Variants in RCAN1 observed in about 807,000 individuals in gnomAD.
RCAN1 encodes calcipressin-1.
In RCAN1, 11 loss-of-function variants were observed where a neutral mutation model predicts 22.9. The observed-to-expected ratio is 0.48, with a 90% CI of 0.30 to 0.79. RCAN1 has a LOEUF of 0.79. RCAN1 is among the 30% of genes least tolerant of loss of function. RCAN1 has a pLI of 0.06. For missense variants in RCAN1, 291 were observed against 337.8 expected, an observed-to-expected ratio of 0.86 and a Z score of 1.09; for synonymous variants, 136 against 142.3, an observed-to-expected ratio of 0.96 and a Z score of 0.32.
chr21:34,574,008 C>T (rs77465194), intron 1 of RCAN1, among the ~76,000 whole-genome samples: 1 of 152,124 alleles, frequency 6.6e-6, no homozygotes, highest in African/African-American at 2.4e-5. Context: ...AATCAAAGGG[C>T]AGAGCTTAAG....
intron 1 of RCAN1, among the ~76,000 whole-genome samples, chr21:34,532,963 CTT>C (rs35547356): frequency 3.1e-4 from 44 of 141,654 alleles, no homozygotes; most frequent in Middle Eastern, 3.6e-3. Flanking sequence ...ACAAAATAAA[CTT>C]TTTTTTTTTT....
chr21:34,580,869 G>A (rs917638683), intron 1 of RCAN1, among the ~76,000 whole-genome samples: 9 of 152,168 alleles, frequency 5.9e-5, no homozygotes, highest in African/African-American at 2.2e-4. Flanking sequence ...TGGCTGTCTC[G>A]TGCACCTACG....
chr21:34,598,734 AG>A, intron 1 of RCAN1, among the ~76,000 whole-genome samples: 1 of 152,350 alleles, frequency 6.6e-6, no homozygotes, highest in East Asian at 1.9e-4. Flanking sequence ...GGCAAACTGG[AG>A]AAAATATCTG....
chr21:34,594,712 A>G (rs1988090292), intron 1 of RCAN1, among the ~76,000 whole-genome samples: 1 of 152,228 alleles, frequency 6.6e-6, no homozygotes, highest in African/African-American at 2.4e-5. Flanking sequence ...CCAATGGGCC[A>G]GGTGCACAGC....
At position 34,612,804 on chromosome 21, in the gene RCAN1, C is replaced by CTG. The variant is rs376690227; in HGVS notation, c.252+1954_252+1955dup. Among the ~76,000 whole-genome samples the CTG allele has an allele frequency of 9.8e-5, 15 of 152,344 alleles. 1 individual carries two copies. Among genetic ancestry groups the CTG allele is most frequent in the African/African-American group, 3.6e-4 (15 of 41,572 alleles). On this transcript the variant is annotated intron_variant, in intron 1 of 3. Coordinates refer to ENST00000313806, the MANE Select transcript of RCAN1 (RefSeq NM_004414.7). Reference sequence around the variant, plus strand: ...TCCAGCTTCCAGCTGTTGCTCATGGCTGCAGGCCTGGACATCCCTTGTTAG... The same window carrying CTG: ...TCCAGCTTCCAGCTGTTGCTCATGGCTGTGCAGGCCTGGACATCCCTTGTTAG...
Position 34,615,085 on chromosome 21 carries a change from G to A in RCAN1, c.-74C>T. The stretch of plus-strand genomic sequence containing the variant: ...GCGCGCCGGAGCCTCACGCGCTCCG[G>A]TCCGCGCCCGGCCGGCGGCTCCGCC... On this transcript the variant is annotated 5_prime_UTR_variant, in exon 1 of 4. Coordinates refer to ENST00000313806, the MANE Select transcript of RCAN1 (RefSeq NM_004414.7). 6 of 1,003,218 alleles carry A rather than the reference G, an allele frequency of 6.0e-6. No individual in the cohort carries two copies. Among genetic ancestry groups the A allele is most frequent in the Non-Finnish European group, 7.1e-6 (6 of 841,956 alleles). The allele number at this position is 1,003,218 out of a possible 1,614,324, so 62.1% of individuals were successfully genotyped here. A position where few individuals can be genotyped will look rare whatever the true frequency, so the allele number is the denominator to read the frequency against.
At chr21:34,535,731 G>A (rs896224608) in intron 1 of RCAN1, among the ~76,000 whole-genome samples, 3 of 152,014 alleles carry the variant, frequency 2.0e-5, no homozygotes, top group African/African-American at 7.2e-5. Context: ...TTATTCCTTA[G>A]ATAAAAAATC....
intron 1 of RCAN1, among the ~76,000 whole-genome samples, chr21:34,587,949 C>T (rs1055902441): frequency 2.6e-5 from 4 of 152,100 alleles, no homozygotes; most frequent in African/African-American, 7.2e-5. Context: ...ACTAGCCTAC[C>T]CCAAGAAAGA....
chr21:34,602,018 CATTGACCTAATATAA>C (rs950153208), intron 1 of RCAN1, among the ~76,000 whole-genome samples: 5 of 152,042 alleles, frequency 3.3e-5, no homozygotes, highest in African/African-American at 1.2e-4. Flanking sequence ...AAAAATTAAA[CATTGACCTAATATAA>C]AACTGGTAAC....
At chr21:34,547,198 G>A (rs1986183495) in intron 1 of RCAN1, among the ~76,000 whole-genome samples, 1 of 152,180 alleles carries the variant, frequency 6.6e-6, no homozygotes, top group Admixed American at 6.5e-5. Flanking sequence ...ACAGGAGCCT[G>A]AGCCCAGGAG....
intron 1 of RCAN1, among the ~76,000 whole-genome samples, chr21:34,529,941 T>C (rs777648394): frequency 3.3e-5 from 5 of 152,222 alleles, no homozygotes; most frequent in Non-Finnish European, 4.4e-5. Flanking sequence ...ACTTTTGCTT[T>C]CTCATCATTT....
Position 34,518,081 on chromosome 21 carries a change from A to G in RCAN1, c.*3T>C. The G allele has an allele frequency of 6.2e-7, 1 of 1,614,118 alleles. No individual in the cohort carries two copies. The highest frequency in any genetic ancestry group is 2.2e-5 in the East Asian group (1 of 44,878). The stretch of plus-strand genomic sequence containing the variant: ...TTGGAATGCGTCCTCGTCGCGTGCC[A>G]GTTCAGCTGAGGTGGATCGGCGTGT... On this transcript the variant is annotated 3_prime_UTR_variant, in exon 4 of 4. Coordinates refer to ENST00000313806, the MANE Select transcript of RCAN1 (RefSeq NM_004414.7). The surrounding 1 kb of genome is among the most constrained non-coding windows in gnomAD (Gnocchi z 4.2).
intron 1 of RCAN1, among the ~76,000 whole-genome samples, chr21:34,552,733 A>G (rs1277690294): frequency 6.6e-6 from 1 of 152,170 alleles, no homozygotes; most frequent in East Asian, 1.9e-4. Context: ...TTGAATGCCT[A>G]TTCATGGATG....
intron 1 of RCAN1, chr21:34,524,978 CTTAGGACAG>C (rs1224850649): frequency 6.7e-7 from 1 of 1,491,930 alleles, no homozygotes; most frequent in African/African-American, 1.4e-5. Context: ...GGCAAAAACA[CTTAGGACAG>C]TTTGTGGGAG....
intron 1 of RCAN1, among the ~76,000 whole-genome samples, chr21:34,586,808 G>A (rs532472859): frequency 3.8e-4 from 58 of 152,214 alleles, no homozygotes; most frequent in African/African-American, 1.3e-3. Flanking sequence ...CAAAAAATTA[G>A]CCAGGCATGG....
intron 1 of RCAN1, among the ~76,000 whole-genome samples, chr21:34,591,796 A>C (rs2300387): frequency 0.78 from 118,807 of 152,110 alleles, 46,677 homozygotes; most frequent in East Asian, 0.93. Flanking sequence ...CATCATCTCG[A>C]TGCACCAATT....
Position 34,615,037 on chromosome 21 carries a change from C to A in RCAN1, c.-26G>T, listed in dbSNP as rs1988784984. 9.7e-7 allele frequency: 1 copy of A among 1,032,392 alleles called. No homozygotes were observed. The highest frequency in any genetic ancestry group is 9.1e-5 in the East Asian group (1 of 11,008). 64.0% of individuals were successfully genotyped at this position (1,032,392 alleles called of 1,614,324 possible). A position where few individuals can be genotyped will look rare whatever the true frequency, so the allele number is the denominator to read the frequency against. On this transcript the variant is annotated 5_prime_UTR_variant, in exon 1 of 4. Coordinates refer to ENST00000313806, the MANE Select transcript of RCAN1 (RefSeq NM_004414.7). ...CCCCGCGCCCGCGCGACCCTGTGCG[C>A]CCCAGCGGGCTGCTCCGGGCTTGCG...
At chr21:34,521,067 A>G in intron 3 of RCAN1, 1 of 1,219,792 alleles carries the variant, frequency 8.2e-7, no homozygotes, top group Non-Finnish European at 1.0e-6. Context: ...AGGCCAGGTG[A>G]GAATCACAGG....
intron 1 of RCAN1, chr21:34,525,011 C>A: frequency 1.3e-6 from 2 of 1,530,656 alleles, no homozygotes; most frequent in Non-Finnish European, 8.8e-7. Flanking sequence ...GTGTGAAAGG[C>A]AGAAGGGGCT....
Sources: gnomAD v4.1 joint callset for allele counts (sites outside exome capture counted in the v4.1 genomes callset) on GRCh38, gnomAD v4.1.1 for gene constraint, Gnocchi (gnomAD v3.1) non-coding constraint, MANE v1.5 for transcripts, NCBI Gene and HGNC (gene_info 2026-07-23, HGNC 2026-07-21) for gene names.